The following POTEF variants were observed in gnomAD, a reference collection of about 807,000 sequenced individuals.
POTEF encodes POTE ankyrin domain family member F, also known as ANKRD26-like family C member 1B.
POTEF carries 20 observed loss-of-function variants against 83.2 expected under a neutral mutation model. That is an observed-to-expected ratio of 0.24 (90% CI 0.17 to 0.35). The LOEUF (loss-of-function observed/expected upper bound fraction) is 0.35. Ranked by LOEUF, POTEF falls within the 10% of genes least tolerant of loss-of-function variation. POTEF has a pLI of 1.00. For missense variants in POTEF, 550 were observed against 1,203.2 expected, an observed-to-expected ratio of 0.46 and a Z score of 8.03; for synonymous variants, 196 against 446.4, an observed-to-expected ratio of 0.44 and a Z score of 7.07.
At chr2:130,128,428 A>G (rs575405693) in intron 1 of POTEF, among the ~76,000 whole-genome samples, 1 of 151,714 alleles carries the variant, frequency 6.6e-6, no homozygotes, top group Non-Finnish European at 1.5e-5. Context: ...GCAGCCGACC[A>G]ACACCACTGG....
intron 2 of POTEF, among the ~76,000 whole-genome samples, chr2:130,126,303 C>T (rs910337548): frequency 4.1e-5 from 5 of 122,666 alleles, no homozygotes; most frequent in African/African-American, 1.2e-4. Flanking sequence ...AACTCCATCT[C>T]AAAAAAAAAA....
At chr2:130,083,015 G>T (rs1320580310) in intron 15 of POTEF, among the ~76,000 whole-genome samples, 2 of 99,276 alleles carry the variant, frequency 2.0e-5, no homozygotes, top group African/African-American at 4.7e-5. Context: ...CATACATTTG[G>T]AAATCACTAG....
At chr2:130,105,397 T>C (rs1339422537) in intron 8 of POTEF, among the ~76,000 whole-genome samples, 1 of 151,638 alleles carries the variant, frequency 6.6e-6, no homozygotes, top group African/African-American at 2.4e-5. Context: ...ACATTGATGC[T>C]ACTCCAAGGA....
chr2:130,118,563 G>T (rs541017425), intron 3 of POTEF, among the ~76,000 whole-genome samples: 1 of 150,358 alleles, frequency 6.7e-6, no homozygotes, highest in African/African-American at 2.4e-5. Context: ...CAGGCGTGGT[G>T]GCAGGCGCCT....
chr2:130,073,677 A>T lies in POTEF; in HGVS notation c.*567T>A, dbSNP rs62165867. On this transcript the variant is annotated 3_prime_UTR_variant, in exon 17 of 17. Coordinates refer to ENST00000409914, the MANE Select transcript of POTEF (RefSeq NM_001099771.2). ...GTTTTAAGGTGTGCACTTTTATCCAACTCTCCTCAAGTCAGAGTACAGGTA... is the reference window on the plus strand; with the variant it reads ...GTTTTAAGGTGTGCACTTTTATCCATCTCTCCTCAAGTCAGAGTACAGGTA... Among the ~76,000 whole-genome samples the T allele has an allele frequency of 0.52, 77,646 of 149,166 alleles. 21,632 individuals carry two copies. The highest frequency in any genetic ancestry group is 0.67 in the Admixed American group (9,899 of 14,870).
intron 8 of POTEF, among the ~76,000 whole-genome samples, chr2:130,105,148 A>T (rs1355699384): frequency 7.1e-6 from 1 of 140,498 alleles, no homozygotes; most frequent in Non-Finnish European, 1.5e-5. Flanking sequence ...TATTGACGAT[A>T]CCTCTCTTCT....
intron 3 of POTEF, among the ~76,000 whole-genome samples, chr2:130,117,807 A>T (rs943870809): frequency 2.0e-5 from 3 of 152,226 alleles, no homozygotes; most frequent in Non-Finnish European, 2.9e-5. Context: ...ATAACATTTT[A>T]AAAATGTGGT....
intron 15 of POTEF, among the ~76,000 whole-genome samples, chr2:130,080,146 G>A (rs1374440981): frequency 4.7e-4 from 1 of 2,112 alleles, no homozygotes; most frequent in South Asian, 0.017. Flanking sequence ...AAACTATTGC[G>A]GGGGGGGGGG....
intron 2 of POTEF, among the ~76,000 whole-genome samples, chr2:130,127,315 ACT>A (rs1685121547): frequency 2.1e-5 from 2 of 94,514 alleles, no homozygotes; most frequent in Non-Finnish European, 3.7e-5. Context: ...AAAGAGCGAG[ACT>A]CTGTCTCAAA....
At chr2:130,083,177 A>G (rs983191119) in intron 15 of POTEF, among the ~76,000 whole-genome samples, 1 of 131,622 alleles carries the variant, frequency 7.6e-6, no homozygotes, top group Non-Finnish European at 1.6e-5. Flanking sequence ...TCTACTAAAA[A>G]TACAAAAATT....
intron 8 of POTEF, among the ~76,000 whole-genome samples, chr2:130,102,865 G>A (rs1488836334): frequency 6.6e-6 from 1 of 151,584 alleles, no homozygotes; most frequent in African/African-American, 2.4e-5. Context: ...GCCAAGCCCT[G>A]TCTTTGTTCA....
Position 130,101,344 on chromosome 2 carries a change from T to C in POTEF, c.1198-624A>G, listed in dbSNP as rs549658084. 2.2e-3 allele frequency among the ~76,000 whole-genome samples: 324 copies of C among 149,892 alleles called. 13 individuals carry two copies. Among genetic ancestry groups the C allele is most frequent in the African/African-American group, 7.9e-3 (309 of 39,222 alleles). Reference sequence around the variant, plus strand: ...GCTTAAGTCCAGTTCTAATATATTCTAATGTGTACTAATTACAGTGGATAA... The same window carrying C: ...GCTTAAGTCCAGTTCTAATATATTCCAATGTGTACTAATTACAGTGGATAA... On this transcript the variant is annotated intron_variant, in intron 9 of 16. Transcript: ENST00000409914.
At chr2:130,113,563 T>C (rs1184666290) in intron 5 of POTEF, among the ~76,000 whole-genome samples, 1 of 105,246 alleles carries the variant, frequency 9.5e-6, no homozygotes, top group African/African-American at 3.5e-5. Flanking sequence ...CAGGGTCTCA[T>C]TATGTTGACC....
chr2:130,114,266 A>G, intron 5 of POTEF, among the ~76,000 whole-genome samples: 1 of 151,786 alleles, frequency 6.6e-6, no homozygotes, highest in Non-Finnish European at 1.5e-5. Context: ...CTCACCATGC[A>G]AAGGAAACAA....
At chr2:130,127,591 CCA>C (rs1427842789) in intron 2 of POTEF, 116 bp downstream of exon 2, 2 of 152,160 alleles carry the variant, frequency 1.3e-5, no homozygotes, top group Admixed American at 1.3e-4. Context: ...TTCCCAGTCC[CCA>C]GACTTTCTGC....
intron 7 of POTEF, chr2:130,109,618 G>A (rs1684649664): frequency 6.6e-6 from 1 of 151,094 alleles, no homozygotes; most frequent in Admixed American, 6.6e-5. Flanking sequence ...TACAGATCTG[G>A]TAGCAAAGAG....
chr2:130,087,586 A>G (rs1684038326), intron 13 of POTEF, among the ~76,000 whole-genome samples: 1 of 98,300 alleles, frequency 1.0e-5, no homozygotes, highest in Admixed American at 1.2e-4. Context: ...TCTTCTGTTA[A>G]TAAGGTTGCT....
chr2:130,074,963 G>A lies in POTEF; in HGVS notation c.2509C>T (p.Gln837Ter), dbSNP rs1201430769. The change falls in exon 17 of 17, where the codon CAG (glutamine) becomes TAG (stop). Residue 837 changes from glutamine to a stop codon, truncating the protein, a stop_gained. Transcript: ENST00000409914. LOFTEE classifies it high-confidence loss of function. ...FNTPAMYVAI[Q>*]AVLSLYTSGR... ...GAGGTGTACAGGGACAGCACAGCCT[G>A]GATGGCCACGTACATGGCTGGGGTG... is the stretch of plus-strand genomic sequence containing the variant. 1.2e-6 allele frequency: 2 copies of A among 1,611,984 alleles called. No individual in the cohort carries two copies. The highest frequency in any genetic ancestry group is 1.7e-6 in the Non-Finnish European group (2 of 1,179,560).
intron 3 of POTEF, among the ~76,000 whole-genome samples, chr2:130,116,031 C>T (rs1192748676): frequency 6.6e-6 from 1 of 152,044 alleles, no homozygotes; most frequent in Non-Finnish European, 1.5e-5. Flanking sequence ...TATGTTATAA[C>T]AGGTCCGGGG....
Sources: allele counts gnomAD v4.1 joint callset (sites outside exome capture counted in the v4.1 genomes callset), GRCh38; gene constraint gnomAD v4.1.1; transcripts MANE v1.5; gene names NCBI Gene and HGNC (gene_info 2026-07-23, HGNC 2026-07-21).